NCOR2: variants seen among roughly 807,000 people sequenced by gnomAD.
NCOR2 encodes the protein nuclear receptor corepressor 2.
NCOR2 carries 81 observed loss-of-function variants against 262.9 expected under a neutral mutation model. The ratio of observed to expected loss-of-function variants is 0.31; its 90% confidence interval spans 0.26 to 0.37. The LOEUF is 0.37. NCOR2 is among the 10% of genes least tolerant of loss of function. The pLI is 1.00. For synonymous variants in NCOR2, 1,659 were observed against 1,559.3 expected, an observed-to-expected ratio of 1.06 and a Z score of -1.51; for missense variants, 3,385 against 3,621.4, an observed-to-expected ratio of 0.93 and a Z score of 1.68.
In NCOR2 at chr12:124,548,870, C is replaced by CA. The variant is rs1284060886; in HGVS notation, c.-164-13260dup. ...CTTAAATGTCACTCTCCTCTCCCCC[C>CA]AGCACTGCAGGGCTCTGATCTGCTT... is the stretch of plus-strand genomic sequence containing the variant. On this transcript the variant is annotated intron_variant, in intron 1 of 32. Transcript: ENST00000458234. The surrounding 1 kb of genome is among the most constrained non-coding windows in gnomAD (Gnocchi z 5.1). 2.6e-5 allele frequency among the ~76,000 whole-genome samples: 4 copies of CA among 152,192 alleles called. No homozygotes were observed. Among genetic ancestry groups the CA allele is most frequent in the African/African-American group, 9.7e-5 (4 of 41,444 alleles).
intron 22 of NCOR2, among the ~76,000 whole-genome samples, chr12:124,360,972 C>A (rs1483408814): frequency 2.0e-5 from 3 of 152,302 alleles, no homozygotes; most frequent in Middle Eastern, 3.4e-3. Flanking sequence ...CCTACCTAAT[C>A]CCCGCTCTGC....
At chr12:124,538,690 T>TGGCG (rs2051193532), upstream of NCOR2, 1 of 154,098 alleles carries the variant, frequency 6.5e-6, no homozygotes. Flanking sequence ...GAGAGTGATG[T>TGGCG]GGCGGGCGGC....
At chr12:124,490,317 C>T (rs558388140) in intron 1 of NCOR2, among the ~76,000 whole-genome samples, 16 of 152,290 alleles carry the variant, frequency 1.1e-4, no homozygotes, top group African/African-American at 3.6e-4. Context: ...AGGTCAGCTC[C>T]CTGAGACAAG....
Position 124,495,175 on chromosome 12 carries a change from T to A in NCOR2, c.77A>T (p.Tyr26Phe). Reference sequence around the variant, plus strand: ...GTGCGTCCGGGCGATCTGCACTGGGTAGGAAAGGCTGTGGGGCGGGTAGCG... The same window carrying A: ...GTGCGTCCGGGCGATCTGCACTGGGAAGGAAAGGCTGTGGGGCGGGTAGCG... Residue 26 changes from tyrosine to phenylalanine, a missense_variant, in exon 1 of 47, where the codon TAC (tyrosine) becomes TTC (phenylalanine). Physicochemically the swap from Tyr to Phe is conservative, Grantham distance 22. Transcript: ENST00000405201. The surrounding 1 kb of genome is among the most constrained non-coding windows in gnomAD (Gnocchi z 4.4). The A allele has an allele frequency of 3.7e-6, 6 of 1,613,868 alleles. No individual in the cohort carries two copies. Among genetic ancestry groups the A allele is most frequent in the Non-Finnish European group, 5.1e-6 (6 of 1,179,916 alleles).
At position 124,333,186 on chromosome 12, in the gene NCOR2, G is replaced by A. The variant is rs199593681; in HGVS notation, c.6699C>T (p.His2233=). Residue 2233 remains histidine (H), a synonymous_variant, in exon 42 of 47, where the codon CAC becomes CAT. Coordinates refer to ENST00000405201, the Ensembl canonical transcript of NCOR2. ...GCAGCGGGTACACAGCACTCCGGGA[G>A]TGCCCTGGCTCCGTCATGCCCTCCG... 1.9e-5 allele frequency: 31 copies of A among 1,613,116 alleles called. No homozygotes were observed. The African/African-American group carries it at 3.3e-4, about 17-fold the overall frequency.
chr12:124,379,852 G>A (rs951462204), intron 17 of NCOR2, among the ~76,000 whole-genome samples: 4 of 152,242 alleles, frequency 2.6e-5, no homozygotes, highest in Non-Finnish European at 4.4e-5. Flanking sequence ...GGGACACGAA[G>A]GCCCTGTGGC....
intron 37 of NCOR2, among the ~76,000 whole-genome samples, chr12:124,339,514 C>T (rs1332082449): frequency 6.7e-6 from 1 of 149,858 alleles, no homozygotes; most frequent in African/African-American, 2.5e-5. Context: ...AGCTATCTAT[C>T]CTCTCACCCA....
rs1464033335 is a variant in NCOR2, at chr12:124,344,740, C to T, written c.4571G>A (p.Arg1524His). 1.2e-5 allele frequency: 18 copies of T among 1,544,916 alleles called. No individual in the cohort carries two copies. The highest frequency in any genetic ancestry group is 4.1e-5 in the African/African-American group (3 of 72,968). Reference sequence around the variant, plus strand: ...CTCAGGCACAATGACCGGGGCGCCGCGCGCAATGGAGCCCCCCGAGCTGCT... The same window carrying T: ...CTCAGGCACAATGACCGGGGCGCCGTGCGCAATGGAGCCCCCCGAGCTGCT... Residue 1524 changes from arginine to histidine, a missense_variant, in exon 32 of 47, where the codon CGC becomes CAC. Arg to His is a conservative substitution (Grantham distance 29). This residue lies in a region of NCOR2 where 1,615 missense variants were observed against 1,626.9 expected (regional missense o/e 0.99). Transcript: ENST00000405201.
At position 124,460,575 on chromosome 12, in the gene NCOR2, C is replaced by T. The variant is rs555764849; in HGVS notation, c.706-3413G>A. Reference sequence around the variant, plus strand: ...TTCCAAGGACACGGAGTCCTCTCTGCCCCCTCCATAGAGGTGGATGAGAGG... The same window carrying T: ...TTCCAAGGACACGGAGTCCTCTCTGTCCCCTCCATAGAGGTGGATGAGAGG... On this transcript the variant is annotated intron_variant, in intron 5 of 46. Coordinates refer to ENST00000405201, the Ensembl canonical transcript of NCOR2. Among the ~76,000 whole-genome samples, 21 of 152,338 alleles carry T rather than the reference C, an allele frequency of 1.4e-4. No homozygotes were observed. The East Asian group carries it at 4.1e-3, about 29-fold the overall frequency.
chr12:124,433,306 C>T (rs992876025), intron 8 of NCOR2, among the ~76,000 whole-genome samples: 1 of 152,242 alleles, frequency 6.6e-6, no homozygotes, highest in Non-Finnish European at 1.5e-5. Context: ...ACGGCAACAA[C>T]CAGCCCATGC....
intron 5 of NCOR2, among the ~76,000 whole-genome samples, chr12:124,465,790 G>A (rs1257684931): frequency 2.0e-5 from 3 of 152,214 alleles, no homozygotes; most frequent in Non-Finnish European, 4.4e-5. Context: ...CCTCACTGCT[G>A]CGGTCATAAT....
At chr12:124,339,219 A>ACCACCCCC (rs1566363037) in intron 37 of NCOR2, among the ~76,000 whole-genome samples, 5 of 63,316 alleles carry the variant, frequency 7.9e-5, no homozygotes, top group Non-Finnish European at 1.4e-4. Flanking sequence ...TCTACCTACC[A>ACCACCCCC]CCCACCCACC....
intron 13 of NCOR2, among the ~76,000 whole-genome samples, chr12:124,403,894 T>A (rs2042121592): frequency 6.6e-6 from 1 of 152,162 alleles, no homozygotes; most frequent in Admixed American, 6.5e-5. Flanking sequence ...CGGGCCTGCA[T>A]CTGCCTCTTT....
At chr12:124,383,640 C>A in intron 17 of NCOR2, 1 of 200,216 alleles carries the variant, frequency 5.0e-6, no homozygotes, top group Non-Finnish European at 9.9e-6. Flanking sequence ...GCACGTCGCC[C>A]TCCCGGAGCG....
intron 8 of NCOR2, among the ~76,000 whole-genome samples, chr12:124,437,443 T>G (rs188427375): frequency 1.3e-5 from 2 of 152,288 alleles, no homozygotes; most frequent in East Asian, 1.9e-4. Flanking sequence ...TGGCCACAAA[T>G]GCAGGCTCAG....
intron 1 of NCOR2, among the ~76,000 whole-genome samples, chr12:124,492,970 T>G (rs1237700708): frequency 2.6e-5 from 4 of 151,852 alleles, no homozygotes; most frequent in Non-Finnish European, 5.9e-5. Context: ...CACACACAGG[T>G]GGCCCCTGCT....
Position 124,483,565 on chromosome 12 carries a change from G to A in NCOR2, c.411+31C>T. 6.5e-7 allele frequency: 1 copy of A among 1,531,954 alleles called. No homozygotes were observed. Among genetic ancestry groups the A allele is most frequent in the Non-Finnish European group, 8.8e-7 (1 of 1,139,864 alleles). 94.9% of individuals were successfully genotyped at this position (1,531,954 alleles called of 1,614,324 possible). A position where few individuals can be genotyped will look rare whatever the true frequency, so the allele number is the denominator to read the frequency against. Reference sequence around the variant, plus strand: ...ACCAGCAGCAGAACCTCAAGCGGGAGAGGAGCTCCCAGCTGGGGGCCCAGG... The same window carrying A: ...ACCAGCAGCAGAACCTCAAGCGGGAAAGGAGCTCCCAGCTGGGGGCCCAGG... On this transcript the variant is annotated intron_variant, in intron 3 of 46. Transcript: ENST00000405201. This position sits in a 1 kb window ranked among gnomAD's most constrained non-coding sequence, Gnocchi z 6.3.
rs2037770204 is a variant in NCOR2 at position 124,354,335 on chromosome 12, A to C, written c.3590-139T>G. 3.5e-6 allele frequency: 4 copies of C among 1,146,274 alleles called. No homozygotes were observed. The East Asian group carries it at 1.0e-4, about 30-fold the overall frequency. The allele number at this position is 1,146,274 out of a possible 1,614,324, so 71.0% of individuals were successfully genotyped here. A position where few individuals can be genotyped will look rare whatever the true frequency, so the allele number is the denominator to read the frequency against. The stretch of plus-strand genomic sequence containing the variant: ...ACGCAGAGGGAGTCCCCCTACCCCT[A>C]AATGGTGAGGGAGACAGCTGTGAAG... On this transcript the variant is annotated intron_variant, in intron 26 of 46. Transcript: ENST00000405201.
At chr12:124,337,047 G>T in exon 38 of NCOR2, 1 of 1,494,982 alleles carries the variant, frequency 6.7e-7, no homozygotes, top group Non-Finnish European at 8.9e-7. Flanking sequence ...CGGGCGACCC[G>T]GGGGGCCTCC....
Sources: allele counts gnomAD v4.1 joint callset (sites outside exome capture counted in the v4.1 genomes callset), GRCh38; gene constraint gnomAD v4.1.1; regional missense constraint gnomAD v4.1.1; non-coding constraint Gnocchi (gnomAD v3.1); transcripts MANE v1.5; gene names NCBI Gene and HGNC (gene_info 2026-07-23, HGNC 2026-07-21).